Variants in KCNMA1 observed in about 807,000 individuals in gnomAD.
The protein encoded by KCNMA1 is potassium calcium-activated channel subfamily M alpha 1, also known as Calcium-activated potassium channel subunit alpha-1.
KCNMA1 carries 29 observed loss-of-function variants against 140.0 expected under a neutral mutation model. The ratio of observed to expected loss-of-function variants is 0.21; its 90% CI spans 0.15 to 0.28. The LOEUF is 0.28. Among genes scored for constraint, KCNMA1 ranks in the 10% least tolerant of loss-of-function variants. The probability of loss-of-function intolerance (pLI) is 1.00; values close to 1 mark genes in which losing one functional copy is unlikely to be tolerated. For missense variants in KCNMA1, 880 were observed against 1,602.2 expected (o/e 0.55, Z 7.70); for synonymous variants, 612 against 611.9 (o/e 1.00, Z 0.00).
At chr10:76,974,247 C>A in intron 19 of KCNMA1, 1 of 477,942 alleles carries the variant, frequency 2.1e-6, no homozygotes, top group African/African-American at 2.0e-5. Context: ...ATCTAGCTAA[C>A]AGGGCTTCCG....
At chr10:77,402,328 T>A (rs762362085) in intron 2 of KCNMA1, among the ~76,000 whole-genome samples, 1 of 152,138 alleles carries the variant, frequency 6.6e-6, no homozygotes, top group Non-Finnish European at 1.5e-5. Context: ...CTAGACACTG[T>A]CCCTCCTGGG....
intron 1 of KCNMA1, among the ~76,000 whole-genome samples, chr10:77,408,979 G>A (rs2096558682): frequency 6.6e-6 from 1 of 152,150 alleles, no homozygotes; most frequent in Non-Finnish European, 1.5e-5. Flanking sequence ...CAGGAGGCAG[G>A]GAACACCAGA....
At chr10:77,519,889 T>C (rs557139645) in intron 1 of KCNMA1, among the ~76,000 whole-genome samples, 1 of 150,918 alleles carries the variant, frequency 6.6e-6, no homozygotes, top group Admixed American at 6.6e-5. Flanking sequence ...AGGTCTGCAG[T>C]ATGCAGTGCA....
At chr10:77,083,501 T>TAAA (rs35527205) in intron 12 of KCNMA1, among the ~76,000 whole-genome samples, 41 of 91,382 alleles carry the variant, frequency 4.5e-4, no homozygotes, top group East Asian at 1.6e-3. Context: ...AGATGTTCTG[T>TAAA]AAAAAAAAAA....
intron 5 of KCNMA1, among the ~76,000 whole-genome samples, chr10:77,172,194 G>A (rs529779181): frequency 5.3e-5 from 8 of 152,222 alleles, no homozygotes; most frequent in African/African-American, 1.7e-4. Context: ...GTAAATATAC[G>A]TCCAGTCCTA....
chr10:77,097,181 T>C (rs1247520198), intron 9 of KCNMA1, among the ~76,000 whole-genome samples: 1 of 152,224 alleles, frequency 6.6e-6, no homozygotes, highest in Admixed American at 6.5e-5. Flanking sequence ...CAGGTTTCCC[T>C]GATTTGGGGC....
chr10:77,366,418 C>T (rs1484093759), intron 2 of KCNMA1, among the ~76,000 whole-genome samples: 1 of 152,210 alleles, frequency 6.6e-6, no homozygotes, highest in Admixed American at 6.5e-5. Flanking sequence ...ATCCGCCCAC[C>T]TCAGCCTCCC....
At chr10:76,916,745 A>G (rs575227927) in intron 23 of KCNMA1, among the ~76,000 whole-genome samples, 4 of 152,334 alleles carry the variant, frequency 2.6e-5, no homozygotes, top group South Asian at 4.1e-4. Flanking sequence ...TGAGTCTGGC[A>G]TTTTGGCTAG....
intron 23 of KCNMA1, among the ~76,000 whole-genome samples, chr10:76,941,018 G>GAAGAAAGA (rs758943097): frequency 0.02 from 758 of 38,220 alleles, 18 homozygotes; most frequent in East Asian, 0.029. Flanking sequence ...AGGAAGGAAG[G>GAAGAAAGA]AAGAAAGAAA....
chr10:77,574,323 T>C (rs964629282), intron 1 of KCNMA1, among the ~76,000 whole-genome samples: 1 of 152,046 alleles, frequency 6.6e-6, no homozygotes, highest in Admixed American at 6.6e-5. Flanking sequence ...CACATAGATA[T>C]AATACACATG....
chr10:77,631,652 G>GAGAGACAGCCCCAA (rs1437894068), intron 1 of KCNMA1, among the ~76,000 whole-genome samples: 2 of 152,182 alleles, frequency 1.3e-5, no homozygotes, highest in African/African-American at 4.8e-5. Flanking sequence ...GAGAGAAAGA[G>GAGAGACAGCCCCAA]AGAGACAGCC....
At chr10:77,490,855 T>C (rs2098523485) in intron 1 of KCNMA1, among the ~76,000 whole-genome samples, 1 of 152,176 alleles carries the variant, frequency 6.6e-6, no homozygotes, top group African/African-American at 2.4e-5. Context: ...CCAGTCCTTA[T>C]AGGGCTGCCA....
chr10:77,160,282 CA>C (rs1221598268), intron 5 of KCNMA1, among the ~76,000 whole-genome samples: 6 of 152,162 alleles, frequency 3.9e-5, no homozygotes, highest in Admixed American at 2.6e-4. Flanking sequence ...AAGAAGGATG[CA>C]AATTCCTCCC....
chr10:77,594,870 G>C (rs1242670117), intron 1 of KCNMA1, among the ~76,000 whole-genome samples: 5 of 152,314 alleles, frequency 3.3e-5, no homozygotes, highest in Admixed American at 1.3e-4. Context: ...TGAAGACCCA[G>C]AGGAGGATTC....
intron 14 of KCNMA1, among the ~76,000 whole-genome samples, chr10:77,063,447 A>G (rs2095831652): frequency 6.6e-6 from 1 of 151,272 alleles, no homozygotes; most frequent in African/African-American, 2.4e-5. Flanking sequence ...CTCCGTCTCA[A>G]AAAAAAAAGG....
At chr10:77,199,885 G>A (rs2041907779) in intron 3 of KCNMA1, among the ~76,000 whole-genome samples, 1 of 152,192 alleles carries the variant, frequency 6.6e-6, no homozygotes, top group Non-Finnish European at 1.5e-5. Flanking sequence ...GTGTGCCCTG[G>A]AAGCATGTCT....
At chr10:76,970,415 T>C (rs569763109) in intron 19 of KCNMA1, 207 of 285,140 alleles carry the variant, frequency 7.3e-4, no homozygotes, top group Non-Finnish European at 1.2e-3. Flanking sequence ...TTTTGGTTAC[T>C]TTGCTTTGCC....
intron 2 of KCNMA1, among the ~76,000 whole-genome samples, chr10:77,281,561 G>C (rs1385590468): frequency 6.6e-6 from 1 of 152,124 alleles, no homozygotes; most frequent in Non-Finnish European, 1.5e-5. Context: ...TGTCCGGGCT[G>C]ACTTTATCTA....
At chr10:77,620,864 C>T (rs941665347) in intron 1 of KCNMA1, among the ~76,000 whole-genome samples, 1 of 152,164 alleles carries the variant, frequency 6.6e-6, no homozygotes, top group Non-Finnish European at 1.5e-5. Flanking sequence ...TATGGGCATG[C>T]AGGCTGTGCA....
Sources: gnomAD v4.1 joint callset for allele counts (sites outside exome capture counted in the v4.1 genomes callset) on GRCh38, gnomAD v4.1.1 for gene constraint, MANE v1.5 for transcripts, NCBI Gene and HGNC (gene_info 2026-07-23, HGNC 2026-07-21) for gene names.